The following TMEM117 variants were observed in gnomAD, a reference collection of about 807,000 sequenced individuals.
The protein encoded by TMEM117 is transmembrane protein 117.
In TMEM117, 27 loss-of-function variants were observed where a neutral mutation model predicts 52.4. The ratio of observed to expected loss-of-function variants is 0.51; its 90% CI spans 0.38 to 0.71. The LOEUF is 0.71. TMEM117 is among the 30% of genes least tolerant of loss of function. The pLI is 0.00. For synonymous variants in TMEM117, 215 were observed against 206.3 expected, an observed-to-expected ratio of 1.04 and a Z score of -0.36; for missense variants, 556 against 630.5, an observed-to-expected ratio of 0.88 and a Z score of 1.26.
At chr12:44,057,597 AT>A (rs538784722) in intron 3 of TMEM117, among the ~76,000 whole-genome samples, 17 of 152,172 alleles carry the variant, frequency 1.1e-4, no homozygotes, top group Middle Eastern at 3.4e-3. Context: ...TGAAAAAAAA[AT>A]ATAGGAAATA....
chr12:44,361,047 T>C (rs1951714417), intron 6 of TMEM117, among the ~76,000 whole-genome samples: 1 of 152,130 alleles, frequency 6.6e-6, no homozygotes, highest in Non-Finnish European at 1.5e-5. Flanking sequence ...ACAAGCAGGG[T>C]CTGTCTTGGG....
chr12:44,051,244 ATGT>A (rs1456450428), intron 3 of TMEM117, among the ~76,000 whole-genome samples: 2 of 152,162 alleles, frequency 1.3e-5, no homozygotes, highest in African/African-American at 4.8e-5. Context: ...CATGTTTGAC[ATGT>A]TGTAAACCCT....
chr12:44,230,421 A>T (rs1949917537), intron 5 of TMEM117, among the ~76,000 whole-genome samples: 1 of 151,888 alleles, frequency 6.6e-6, no homozygotes, highest in Admixed American at 6.6e-5. Flanking sequence ...TCACCTCTAC[A>T]TCCAATCAGG....
At chr12:44,278,029 T>G (rs1266638928) in intron 5 of TMEM117, among the ~76,000 whole-genome samples, 1 of 152,076 alleles carries the variant, frequency 6.6e-6, no homozygotes, top group Non-Finnish European at 1.5e-5. Flanking sequence ...CCTAAAGTGC[T>G]GGGATTACAG....
intron 5 of TMEM117, among the ~76,000 whole-genome samples, chr12:44,238,854 A>G (rs565208927): frequency 2.0e-5 from 3 of 152,284 alleles, no homozygotes; most frequent in East Asian, 1.9e-4. Flanking sequence ...TTTTAAGACA[A>G]ATGCACTCAA....
chr12:44,000,115 C>T (rs979791591), intron 3 of TMEM117, among the ~76,000 whole-genome samples: 2 of 152,172 alleles, frequency 1.3e-5, no homozygotes, highest in African/African-American at 4.8e-5. Flanking sequence ...CCAGCCTTTC[C>T]TCCTTTCCTG....
At chr12:44,102,570 C>G (rs1157084704) in intron 3 of TMEM117, among the ~76,000 whole-genome samples, 2 of 151,924 alleles carry the variant, frequency 1.3e-5, no homozygotes, top group Non-Finnish European at 2.9e-5. Context: ...TTACCTTTCT[C>G]TCACCATTCC....
chr12:44,150,516 C>CA (rs1047480671), intron 4 of TMEM117, among the ~76,000 whole-genome samples: 3 of 151,194 alleles, frequency 2.0e-5, no homozygotes, highest in African/African-American at 4.9e-5. Context: ...CCACACTTGC[C>CA]AAAAAAAATT....
At chr12:44,235,275 T>C (rs1216970640) in intron 5 of TMEM117, among the ~76,000 whole-genome samples, 1 of 151,666 alleles carries the variant, frequency 6.6e-6, no homozygotes, top group Non-Finnish European at 1.5e-5. Context: ...ATGGGTATCA[T>C]TTTGCCTACT....
chr12:43,925,007 G>T (rs1407704137), intron 2 of TMEM117, among the ~76,000 whole-genome samples: 1 of 152,126 alleles, frequency 6.6e-6, no homozygotes, highest in Admixed American at 6.5e-5. Context: ...GCAGGTTGGT[G>T]CTAGCTGTTT....
intron 5 of TMEM117, among the ~76,000 whole-genome samples, chr12:44,238,257 A>G (rs1184135903): frequency 6.6e-6 from 1 of 152,170 alleles, no homozygotes; most frequent in East Asian, 1.9e-4. Flanking sequence ...GTTTCGTGTG[A>G]AGTATCTTTA....
chr12:44,115,299 G>A (rs1278357820), intron 3 of TMEM117, among the ~76,000 whole-genome samples: 2 of 152,136 alleles, frequency 1.3e-5, no homozygotes, highest in African/African-American at 4.8e-5. Context: ...CACACACTGG[G>A]GCCTGTTGTC....
intron 3 of TMEM117, among the ~76,000 whole-genome samples, chr12:43,999,210 A>T (rs7136217): frequency 6.6e-6 from 1 of 152,080 alleles, no homozygotes; most frequent in Admixed American, 6.6e-5. Flanking sequence ...CTTGATCTGG[A>T]TGATAATTAC....
chr12:44,012,150 G>A lies in TMEM117; in HGVS notation c.410+67808G>A, dbSNP rs564982168. On this transcript the variant is annotated intron_variant, in intron 3 of 7. Transcript: ENST00000266534. ...ATTGCGTGGTTTCTGAGGGGAAGTT[G>A]GATATATTTCTTATCTTTTTTCCTT... 2.1e-4 allele frequency among the ~76,000 whole-genome samples: 32 copies of A among 152,184 alleles called. No individual in the cohort carries two copies. In the South Asian group the frequency reaches 6.4e-3, roughly 31 times the overall value.
chr12:43,964,710 T>C (rs1299994719), intron 3 of TMEM117, among the ~76,000 whole-genome samples: 1 of 152,174 alleles, frequency 6.6e-6, no homozygotes, highest in Admixed American at 6.6e-5. Flanking sequence ...TAGTTAGACA[T>C]TGGACTGACT....
chr12:44,353,687 T>G (rs1452554399), intron 6 of TMEM117, among the ~76,000 whole-genome samples: 1 of 152,188 alleles, frequency 6.6e-6, no homozygotes, highest in Non-Finnish European at 1.5e-5. Context: ...CCATGCTGTT[T>G]TGGTTACTGT....
Position 44,365,784 on chromosome 12 carries a change from C to G in TMEM117, c.769-10811C>G, listed in dbSNP as rs896654705. Among the ~76,000 whole-genome samples the G allele has an allele frequency of 7.3e-5, 11 of 151,706 alleles. No individual in the cohort carries two copies. The South Asian group carries it at 8.3e-4, about 11-fold the overall frequency. On this transcript the variant is annotated intron_variant, in intron 6 of 7. Transcript: ENST00000266534. ...TATTATTATTATTATACTTTAAGTTCTAGGGTACATGTGCAGAACGTGCAG... is the reference window on the plus strand; with the variant it reads ...TATTATTATTATTATACTTTAAGTTGTAGGGTACATGTGCAGAACGTGCAG...
intron 2 of TMEM117, among the ~76,000 whole-genome samples, chr12:43,929,326 C>A (rs1944834773): frequency 6.6e-6 from 1 of 152,032 alleles, no homozygotes; most frequent in African/African-American, 2.4e-5. Flanking sequence ...TACTATACTA[C>A]CTTATTAATT....
At chr12:44,332,061 A>G (rs191659533) in intron 6 of TMEM117, among the ~76,000 whole-genome samples, 111 of 152,174 alleles carry the variant, frequency 7.3e-4, no homozygotes, top group African/African-American at 2.5e-3. Flanking sequence ...TCTGAGGCAC[A>G]TGTAGATGGA....
Sources: allele counts gnomAD v4.1 joint callset (sites outside exome capture counted in the v4.1 genomes callset), GRCh38; gene constraint gnomAD v4.1.1; transcripts MANE v1.5; gene names NCBI Gene and HGNC (gene_info 2026-07-23, HGNC 2026-07-21).